The following CBFA2T2 variants were observed in gnomAD, a reference collection of about 807,000 sequenced individuals.
CBFA2T2 encodes the protein protein CBFA2T2.
In CBFA2T2, 11 loss-of-function variants were observed where a neutral mutation model predicts 62.2. The ratio of observed to expected loss-of-function variants is 0.18; its 90% CI spans 0.11 to 0.29. CBFA2T2 has a LOEUF of 0.29. Among genes scored for constraint, CBFA2T2 ranks in the 10% least tolerant of loss-of-function variants. CBFA2T2 has a pLI of 1.00. For synonymous variants in CBFA2T2, 295 were observed against 287.5 expected (o/e 1.03, Z -0.27); for missense variants, 592 against 774.1 (o/e 0.76, Z 2.79).
intron 1 of CBFA2T2, among the ~76,000 whole-genome samples, chr20:33,567,608 GC>G (rs2013383456): frequency 6.7e-6 from 1 of 149,292 alleles, no homozygotes; most frequent in Non-Finnish European, 1.5e-5. Flanking sequence ...TTGAGACGGA[GC>G]TTCACTCTTG....
At chr20:33,623,387 G>T in intron 5 of CBFA2T2, 91 bp downstream of exon 5, 2 of 1,471,314 alleles carry the variant, frequency 1.4e-6, no homozygotes, top group East Asian at 2.3e-5. Flanking sequence ...GATTGCTGTG[G>T]TTGTAATGTC....
intron 1 of CBFA2T2, among the ~76,000 whole-genome samples, chr20:33,492,177 C>T (rs567392795): frequency 7.1e-4 from 108 of 151,878 alleles, no homozygotes; most frequent in Non-Finnish European, 1.3e-3. Flanking sequence ...CCACTGCGCC[C>T]GGCCTTAATT....
At chr20:33,547,686 AATGT>A (rs1177200995) in intron 1 of CBFA2T2, among the ~76,000 whole-genome samples, 108 of 106,978 alleles carry the variant, frequency 1.0e-3, no homozygotes, top group Non-Finnish European at 1.9e-3. Flanking sequence ...GTCTCAAAAA[AATGT>A]GTGTGTGTGT....
chr20:33,576,542 G>T (rs566084008), intron 1 of CBFA2T2, among the ~76,000 whole-genome samples: 88 of 152,344 alleles, frequency 5.8e-4, no homozygotes, highest in African/African-American at 2.0e-3. Flanking sequence ...GGAGAAAACT[G>T]AGACATCACC....
chr20:33,619,638 T>G (rs2015856474), intron 4 of CBFA2T2, 32 bp downstream of exon 4: 7 of 1,429,582 alleles, frequency 4.9e-6, no homozygotes, highest in Non-Finnish European at 6.8e-6. Flanking sequence ...ATAATTTATC[T>G]TGAATATTTC....
chr20:33,539,685 G>A (rs209666), intron 1 of CBFA2T2, among the ~76,000 whole-genome samples: 12,169 of 145,528 alleles, frequency 0.084, 1,293 homozygotes, highest in African/African-American at 0.23. Flanking sequence ...TTTGTTTTTT[G>A]TGTTTTTTTT....
At chr20:33,637,966 C>CTTTTTTT (rs67124335) in intron 9 of CBFA2T2, among the ~76,000 whole-genome samples, 1 of 66,798 alleles carries the variant, frequency 1.5e-5, no homozygotes, top group African/African-American at 8.5e-5. Flanking sequence ...TGCACCCGGC[C>CTTTTTTT]TTTTTTTTTT....
At chr20:33,583,117 A>G (rs2014195372) in intron 1 of CBFA2T2, among the ~76,000 whole-genome samples, 1 of 152,080 alleles carries the variant, frequency 6.6e-6, no homozygotes, top group South Asian at 2.1e-4. Flanking sequence ...CTGTGTTGCT[A>G]TATATTTATC....
intron 1 of CBFA2T2, among the ~76,000 whole-genome samples, chr20:33,531,726 T>C (rs1310895905): frequency 6.6e-6 from 1 of 152,224 alleles, no homozygotes; most frequent in African/African-American, 2.4e-5. Flanking sequence ...TTTTTCTGAA[T>C]CAGACATTGT....
chr20:33,634,469 C>T (rs2016557745), intron 8 of CBFA2T2, among the ~76,000 whole-genome samples: 1 of 151,846 alleles, frequency 6.6e-6, no homozygotes, highest in Admixed American at 6.6e-5. Flanking sequence ...CTCAGGAGTT[C>T]AAGACCAGCC....
At chr20:33,514,206 G>GTTTTTTTTTT (rs1196003433) in intron 1 of CBFA2T2, among the ~76,000 whole-genome samples, 1 of 53,348 alleles carries the variant, frequency 1.9e-5, no homozygotes, top group Non-Finnish European at 3.5e-5. Flanking sequence ...CCCTGCCTTT[G>GTTTTTTTTTT]TTTTTTTTTT....
chr20:33,543,903 G>C (rs1433104310), intron 1 of CBFA2T2, among the ~76,000 whole-genome samples: 1 of 152,126 alleles, frequency 6.6e-6, no homozygotes, highest in African/African-American at 2.4e-5. Flanking sequence ...GTGCAATCCT[G>C]TTTGTTCTAC....
At chr20:33,554,261 T>C (rs1035269988) in intron 1 of CBFA2T2, among the ~76,000 whole-genome samples, 5 of 150,950 alleles carry the variant, frequency 3.3e-5, no homozygotes, top group African/African-American at 1.2e-4. Context: ...TTTTCTTTTT[T>C]TTTTTTTTTT....
chr20:33,635,917 C>A (rs1030538082), intron 8 of CBFA2T2, among the ~76,000 whole-genome samples: 2 of 151,804 alleles, frequency 1.3e-5, no homozygotes, highest in African/African-American at 2.4e-5. Context: ...GCTGCCTTTC[C>A]TCCCCCTACA....
At chr20:33,510,371 C>T (rs542354259) in intron 1 of CBFA2T2, among the ~76,000 whole-genome samples, 8 of 151,934 alleles carry the variant, frequency 5.3e-5, no homozygotes, top group East Asian at 3.9e-4. Flanking sequence ...CCACCACGCC[C>T]GGCTAATTTT....
intron 1 of CBFA2T2, among the ~76,000 whole-genome samples, chr20:33,599,192 G>A (rs561673912): frequency 6.6e-6 from 1 of 152,116 alleles, no homozygotes; most frequent in South Asian, 2.1e-4. Context: ...AACCCAGGAG[G>A]CGGAGGTTGC....
intron 3 of CBFA2T2, among the ~76,000 whole-genome samples, chr20:33,617,232 T>C (rs959098997): frequency 2.7e-5 from 4 of 147,974 alleles, no homozygotes; most frequent in Non-Finnish European, 4.4e-5. Flanking sequence ...AGACCCTATC[T>C]CTGAAAAAAA....
intron 1 of CBFA2T2, among the ~76,000 whole-genome samples, chr20:33,541,234 C>G (rs1234969935): frequency 6.6e-6 from 1 of 152,136 alleles, no homozygotes; most frequent in East Asian, 1.9e-4. Context: ...AGGTGGTTGT[C>G]ATGTAGTCCA....
intron 1 of CBFA2T2, among the ~76,000 whole-genome samples, chr20:33,565,894 C>A (rs1047117283): frequency 2.0e-5 from 3 of 152,032 alleles, no homozygotes; most frequent in Non-Finnish European, 2.9e-5. Context: ...GCGGGAACAT[C>A]AAAAAATACA....
Sources: gnomAD v4.1 joint callset for allele counts (sites outside exome capture counted in the v4.1 genomes callset) on GRCh38, gnomAD v4.1.1 for gene constraint, MANE v1.5 for transcripts, NCBI Gene and HGNC (gene_info 2026-07-23, HGNC 2026-07-21) for gene names.